Variants in ADAMTS3 observed in about 807,000 individuals in gnomAD.
ADAMTS3 encodes the protein ADAM metallopeptidase with thrombospondin type 1 motif 3, also known as A disintegrin and metalloproteinase with thrombospondin motifs 3.
ADAMTS3 carries 73 observed loss-of-function variants against 129.0 expected under a neutral mutation model. That is an observed-to-expected ratio of 0.57 (90% CI 0.47 to 0.69). ADAMTS3 has a LOEUF of 0.69. Among genes scored for constraint, ADAMTS3 ranks in the 30% least tolerant of loss-of-function variants. The pLI is 0.00. For synonymous variants in ADAMTS3, 477 were observed against 510.8 expected, an observed-to-expected ratio of 0.93 and a Z score of 0.89; for missense variants, 1,457 against 1,514.5, an observed-to-expected ratio of 0.96 and a Z score of 0.63.
chr4:72,391,090 G>A (rs1400213572), intron 4 of ADAMTS3, among the ~76,000 whole-genome samples: 1 of 152,114 alleles, frequency 6.6e-6, no homozygotes, highest in Non-Finnish European at 1.5e-5. Context: ...ACTATGTTTA[G>A]TTACGGGTAA....
chr4:72,291,196 G>C (rs960876868), intron 19 of ADAMTS3, 134 bp from the exon 20 acceptor site: 2 of 804,704 alleles, frequency 2.5e-6, no homozygotes, highest in South Asian at 1.9e-5. Context: ...TCAGGAAGTG[G>C]TTTCAGAAAG....
intron 4 of ADAMTS3, among the ~76,000 whole-genome samples, chr4:72,382,082 C>T (rs1721304184): frequency 6.6e-6 from 1 of 152,142 alleles, no homozygotes; most frequent in Non-Finnish European, 1.5e-5. Flanking sequence ...GAAACTTAAG[C>T]TCTACAAGGC....
In ADAMTS3 at chr4:72,501,538, T is replaced by C. The variant is rs184308262; in HGVS notation, c.504+46940A>G. On this transcript the variant is annotated intron_variant, in intron 3 of 21. Transcript: ENST00000286657. The stretch of plus-strand genomic sequence containing the variant: ...TTTGACAGAGTCTTTAGGGTTTTTT[T>C]AGCTCTAGAATCATATCATGAGCAA... Among the ~76,000 whole-genome samples the C allele has an allele frequency of 9.0e-3, 1,370 of 152,246 alleles. 8 individuals carry two copies. The highest frequency in any genetic ancestry group is 0.015 in the Non-Finnish European group (1,025 of 67,974).
chr4:72,515,184 C>A (rs1416352402), intron 3 of ADAMTS3, among the ~76,000 whole-genome samples: 4 of 152,158 alleles, frequency 2.6e-5, no homozygotes, highest in Non-Finnish European at 1.5e-5. Flanking sequence ...TTTATGGCTG[C>A]ATAGCATTCC....
intron 3 of ADAMTS3, among the ~76,000 whole-genome samples, chr4:72,521,085 C>T (rs1015816220): frequency 6.6e-6 from 1 of 151,942 alleles, no homozygotes; most frequent in South Asian, 2.1e-4. Context: ...GCAACCTCCA[C>T]CTCCCCGGTT....
intron 3 of ADAMTS3, among the ~76,000 whole-genome samples, chr4:72,498,621 CCT>C (rs753056611): frequency 4.0e-5 from 6 of 149,398 alleles, no homozygotes; most frequent in South Asian, 2.1e-4. Context: ...TTCAATATTC[CCT>C]CTCTCTCTCT....
At chr4:72,533,091 AATG>A (rs1485025493) in intron 3 of ADAMTS3, among the ~76,000 whole-genome samples, 29 of 152,304 alleles carry the variant, frequency 1.9e-4, no homozygotes, top group African/African-American at 5.8e-4. Context: ...AATTTTAAAA[AATG>A]ATTATTTTAT....
At chr4:72,503,360 T>C (rs1052287255) in intron 3 of ADAMTS3, among the ~76,000 whole-genome samples, 2 of 152,202 alleles carry the variant, frequency 1.3e-5, no homozygotes, top group African/African-American at 4.8e-5. Context: ...TTTTATTGTT[T>C]ACACAAAATT....
chr4:72,285,560 A>G (rs1718483890), intron 21 of ADAMTS3, among the ~76,000 whole-genome samples: 1 of 152,060 alleles, frequency 6.6e-6, no homozygotes. Context: ...TCTCTGAGTT[A>G]GAGAAGGAGT....
chr4:72,300,495 A>G (rs1322354629), intron 17 of ADAMTS3, among the ~76,000 whole-genome samples: 1 of 152,166 alleles, frequency 6.6e-6, no homozygotes, highest in Non-Finnish European at 1.5e-5. Context: ...AAATAAGCTA[A>G]ATAAAACTTT....
At chr4:72,428,867 T>C (rs767081173) in intron 3 of ADAMTS3, among the ~76,000 whole-genome samples, 9 of 152,058 alleles carry the variant, frequency 5.9e-5, no homozygotes, top group Admixed American at 1.3e-4. Flanking sequence ...AGCTGCTCCC[T>C]GCCAATATCC....
intron 4 of ADAMTS3, among the ~76,000 whole-genome samples, chr4:72,375,569 G>A (rs556496040): frequency 2.5e-4 from 38 of 152,254 alleles, no homozygotes; most frequent in African/African-American, 8.7e-4. Flanking sequence ...TATGGAGTCA[G>A]GAAAGATCTC....
chr4:72,398,586 T>A (rs1331586604), intron 4 of ADAMTS3, among the ~76,000 whole-genome samples: 1 of 151,678 alleles, frequency 6.6e-6, no homozygotes, highest in Non-Finnish European at 1.5e-5. Context: ...AATAAATAAA[T>A]AAATACATAC....
chr4:72,400,070 AT>A (rs1721858191), intron 4 of ADAMTS3, among the ~76,000 whole-genome samples: 1 of 21,102 alleles, frequency 4.7e-5, no homozygotes, highest in African/African-American at 1.3e-4. Context: ...GTGTGTATAT[AT>A]GCACACATGG....
chr4:72,456,420 T>A (rs1050708087), intron 3 of ADAMTS3, among the ~76,000 whole-genome samples: 3 of 141,476 alleles, frequency 2.1e-5, no homozygotes, highest in Admixed American at 7.3e-5. Context: ...AGTATATATA[T>A]AACATATATA....
At chr4:72,404,253 T>C (rs1489540680) in intron 4 of ADAMTS3, among the ~76,000 whole-genome samples, 1 of 152,056 alleles carries the variant, frequency 6.6e-6, no homozygotes, top group African/African-American at 2.4e-5. Context: ...AGCATCATAC[T>C]ATGGGACTTC....
At chr4:72,417,889 C>T (rs1247765781) in intron 3 of ADAMTS3, among the ~76,000 whole-genome samples, 2 of 127,340 alleles carry the variant, frequency 1.6e-5, no homozygotes, top group African/African-American at 5.8e-5. Flanking sequence ...GCCGAGATCG[C>T]ACCACTGCAC....
At position 72,290,910 on chromosome 4, in the gene ADAMTS3, C is replaced by A. The variant is rs746350456; in HGVS notation, c.2876G>T (p.Arg959Leu). The change falls in exon 20 of 22, where the codon CGG becomes CTG. Residue 959 changes from arginine to leucine, a missense_variant. Arg to Leu is a moderately radical substitution (Grantham distance 102). Transcript: ENST00000286657. ...YCMGDRPESR[R>L]PCNRVPCPAQ... ...AGGGCAGGGCACTCTGTTACAGGGC[C>A]GGCGGCTCTCGGGACGGTCACCCAT... 6.2e-7 allele frequency: 1 copy of A among 1,613,902 alleles called. No individual in the cohort carries two copies. Among genetic ancestry groups the A allele is most frequent in the Admixed American group, 1.7e-5 (1 of 59,998 alleles).
At chr4:72,402,537 T>A (rs1721949662) in intron 4 of ADAMTS3, among the ~76,000 whole-genome samples, 1 of 152,176 alleles carries the variant, frequency 6.6e-6, no homozygotes, top group South Asian at 2.1e-4. Context: ...GCTTTAGTTT[T>A]CTCATGAATT....
Sources: gnomAD v4.1 joint callset for allele counts (sites outside exome capture counted in the v4.1 genomes callset) on GRCh38, gnomAD v4.1.1 for gene constraint, MANE v1.5 for transcripts, NCBI Gene and HGNC (gene_info 2026-07-23, HGNC 2026-07-21) for gene names.